Variants in CPVL observed in about 807,000 individuals in gnomAD.
CPVL encodes probable serine carboxypeptidase CPVL.
Under a neutral mutation model 63.7 loss-of-function variants are expected in CPVL, and 51 were observed. The ratio of observed to expected loss-of-function variants is 0.80; its 90% CI spans 0.64 to 1.01. The LOEUF (loss-of-function observed/expected upper bound fraction) is 1.01, where lower values mean the gene tolerates loss of function less well. Among genes scored for constraint, CPVL ranks in the 50% least tolerant of loss-of-function variants. The probability of loss-of-function intolerance (pLI) is 0.00; values close to 1 mark genes in which losing one functional copy is unlikely to be tolerated. For missense variants in CPVL, 530 were observed against 573.1 expected, an observed-to-expected ratio of 0.92 and a Z score of 0.77; for synonymous variants, 195 against 206.0, an observed-to-expected ratio of 0.95 and a Z score of 0.46.
intron 9 of CPVL, among the ~76,000 whole-genome samples, chr7:29,066,690 T>C (rs1783166264): frequency 6.6e-6 from 1 of 152,136 alleles, no homozygotes; most frequent in South Asian, 2.1e-4. Flanking sequence ...GCTCACCAGA[T>C]GACATGGAGA....
At chr7:29,120,076 C>G (rs960062505) in intron 2 of CPVL, among the ~76,000 whole-genome samples, 1 of 152,196 alleles carries the variant, frequency 6.6e-6, no homozygotes, top group Non-Finnish European at 1.5e-5. Context: ...TCAACCCCGG[C>G]TAATTCTCAT....
chr7:29,192,764 A>G (rs1783058449), intron 1 of CPVL: 1 of 152,216 alleles, frequency 6.6e-6, no homozygotes, highest in African/African-American at 2.4e-5. Flanking sequence ...AATTTGCTCA[A>G]GTTCGCAGCT....
At chr7:29,146,842 A>G (rs748733081), upstream of CPVL, 25 of 1,550,682 alleles carry the variant, frequency 1.6e-5, no homozygotes, top group Admixed American at 5.9e-5. Context: ...TTATTTCTGC[A>G]CTCTAGGACT....
intron 2 of CPVL, among the ~76,000 whole-genome samples, chr7:29,118,802 C>T (rs550256793): frequency 6.6e-6 from 1 of 152,096 alleles, no homozygotes; most frequent in Admixed American, 6.5e-5. Context: ...TTCCGGTGTT[C>T]TTCTTCATTC....
chr7:29,008,999 T>G (rs1352971063), intron 12 of CPVL: 1 of 152,000 alleles, frequency 6.6e-6, no homozygotes, highest in African/African-American at 2.4e-5. Flanking sequence ...TTGGCAGAGT[T>G]GAATTGAAAA....
intron 7 of CPVL, among the ~76,000 whole-genome samples, chr7:29,075,200 T>A (rs957911897): frequency 1.3e-5 from 2 of 152,098 alleles, no homozygotes; most frequent in African/African-American, 4.8e-5. Flanking sequence ...GGCTGAAACA[T>A]CTGCATTTTT....
At chr7:29,139,065 G>C (rs13233841) in intron 1 of CPVL, among the ~76,000 whole-genome samples, 14,661 of 152,218 alleles carry the variant, frequency 0.096, 888 homozygotes, top group Non-Finnish European at 0.13. Flanking sequence ...GCTGAGAAAA[G>C]GTAGAAGGAG....
chr7:29,112,379 C>A (rs1410001530), intron 3 of CPVL, among the ~76,000 whole-genome samples: 1 of 152,056 alleles, frequency 6.6e-6, no homozygotes, highest in Non-Finnish European at 1.5e-5. Flanking sequence ...CCCATCCCTG[C>A]CCTAAGTATT....
intron 5 of CPVL, among the ~76,000 whole-genome samples, chr7:29,154,567 C>T (rs1391962778): frequency 6.6e-6 from 1 of 152,206 alleles, no homozygotes; most frequent in Non-Finnish European, 1.5e-5. Flanking sequence ...GGCACGGTGA[C>T]TCATGCCTGT....
At chr7:29,016,713 T>G (rs1786448469) in intron 12 of CPVL, among the ~76,000 whole-genome samples, 1 of 152,178 alleles carries the variant, frequency 6.6e-6, no homozygotes, top group Non-Finnish European at 1.5e-5. Flanking sequence ...GGATGCCTAC[T>G]AGGGCCATTG....
chr7:29,104,943 T>C (rs2128622582), intron 3 of CPVL, among the ~76,000 whole-genome samples: 1 of 152,294 alleles, frequency 6.6e-6, no homozygotes, highest in East Asian at 1.9e-4. Flanking sequence ...TGGGTGGTGA[T>C]CTATAACATC....
intron 11 of CPVL, 37 bp downstream of exon 11, chr7:29,064,024 A>C: frequency 6.7e-7 from 1 of 1,483,018 alleles, no homozygotes; most frequent in Non-Finnish European, 9.3e-7. Context: ...GGGTAATCTG[A>C]AAGTTCCTAA....
chr7:29,073,128 T>C (rs1195413193), intron 7 of CPVL, among the ~76,000 whole-genome samples: 2 of 152,220 alleles, frequency 1.3e-5, no homozygotes, highest in Admixed American at 1.3e-4. Flanking sequence ...GTATGTCTAA[T>C]ATTAAACTGC....
intron 11 of CPVL, among the ~76,000 whole-genome samples, chr7:29,057,549 A>C (rs966579122): frequency 6.6e-6 from 1 of 152,130 alleles, no homozygotes; most frequent in African/African-American, 2.4e-5. Context: ...TTCCTTTAGC[A>C]TTGTATCTGA....
intron 12 of CPVL, chr7:29,010,272 T>G (rs532458267): frequency 4.6e-5 from 7 of 152,126 alleles, no homozygotes; most frequent in Non-Finnish European, 7.4e-5. Context: ...AAATTTTTTT[T>G]TTGTTTTGTT....
At chr7:29,185,731 C>G (rs1008207945) in intron 2 of CPVL, 4 of 152,054 alleles carry the variant, frequency 2.6e-5, no homozygotes, top group African/African-American at 4.8e-5. Flanking sequence ...TCATATATAC[C>G]CCGAGTTGCA....
At chr7:29,036,073 T>G (rs555825217) in intron 11 of CPVL, among the ~76,000 whole-genome samples, 6 of 152,302 alleles carry the variant, frequency 3.9e-5, no homozygotes, top group Admixed American at 3.3e-4. Flanking sequence ...CTAAGACCTA[T>G]CCTGTCTTCC....
intron 3 of CPVL, among the ~76,000 whole-genome samples, chr7:29,101,707 C>G (rs1330546956): frequency 6.6e-6 from 1 of 151,990 alleles, no homozygotes; most frequent in Non-Finnish European, 1.5e-5. Flanking sequence ...TTAACAGCCC[C>G]TCTTCCCCGA....
chr7:29,048,517 G>A (rs1462332097), intron 11 of CPVL, among the ~76,000 whole-genome samples: 1 of 152,016 alleles, frequency 6.6e-6, no homozygotes, highest in Non-Finnish European at 1.5e-5. Context: ...TAACAGTGGA[G>A]CTCCCAAATT....
Sources: allele counts gnomAD v4.1 joint callset (sites outside exome capture counted in the v4.1 genomes callset), GRCh38; gene constraint gnomAD v4.1.1; transcripts MANE v1.5; gene names NCBI Gene and HGNC (gene_info 2026-07-23, HGNC 2026-07-21).